The following TRIM27 variants were observed in gnomAD, a reference collection of about 807,000 sequenced individuals.
TRIM27 encodes the protein tripartite motif containing 27.
TRIM27 carries 12 observed loss-of-function variants against 57.6 expected under a neutral mutation model. The observed-to-expected ratio is 0.21, with a 90% CI of 0.13 to 0.34. TRIM27 has a LOEUF of 0.34. Ranked by LOEUF, TRIM27 falls within the 10% of genes least tolerant of loss-of-function variation. The pLI, the probability that TRIM27 is intolerant of heterozygous loss-of-function variation, is 1.00. For missense variants in TRIM27, 403 were observed against 656.8 expected (o/e 0.61, Z 4.22); for synonymous variants, 266 against 259.0 (o/e 1.03, Z -0.26).
At chr6:28,907,774 A>C (rs1772879019) in intron 6 of TRIM27, 1 of 391,006 alleles carries the variant, frequency 2.6e-6, no homozygotes, top group Non-Finnish European at 5.0e-6. Flanking sequence ...AAGAAGAGCC[A>C]GATCAAGGAA....
rs1774229712 is a variant in TRIM27 at position 28,923,564 on chromosome 6, G to A, written c.69C>T (p.Phe23=). The A allele has an allele frequency of 6.2e-7, 1 of 1,610,786 alleles. No homozygotes were observed. ...ETTCPVCLQY[F]AEPMMLDCGH... ...CGCAGTCGAGCATCATGGGCTCTGC[G>A]AAGTACTGCAGGCACACGGGGCAGG... Residue 23 remains phenylalanine, a synonymous_variant, in exon 1 of 8, where the codon TTC becomes TTT. Coordinates refer to ENST00000377199, the MANE Select transcript of TRIM27 (RefSeq NM_006510.5).
intron 6 of TRIM27, 42 bp downstream of exon 6, chr6:28,908,766 A>G (rs751968176): frequency 1.4e-5 from 23 of 1,606,436 alleles, no homozygotes; most frequent in Non-Finnish European, 1.9e-5. Flanking sequence ...TCTTTTTTCC[A>G]AGCAACTTTA....
At position 28,904,103 on chromosome 6, in the gene TRIM27, C is replaced by G. The variant is rs1453967293; in HGVS notation, c.1509G>C (p.Gly503=). 6.8e-6 allele frequency: 11 copies of G among 1,613,002 alleles called. No individual in the cohort carries two copies. Among genetic ancestry groups the G allele is most frequent in the Non-Finnish European group, 9.3e-6 (11 of 1,180,000 alleles). The change falls in exon 8 of 8, where the codon GGG becomes GGC. Residue 503 remains glycine (G), a synonymous_variant. Coordinates refer to ENST00000377199, the MANE Select transcript of TRIM27 (RefSeq NM_006510.5). This position sits in a 1 kb window ranked among gnomAD's most constrained non-coding sequence, Gnocchi z 6.1. ...SGIDGFSGHV[G]NHGHSMETSP ...AGGTCTCCATGGAATGACCATGATT[C>G]CCAACATGGCCAGAAAACCCATCTA...
chr6:28,923,326 G>A lies in TRIM27; in HGVS notation c.307C>T (p.Leu103=). The change falls in exon 1 of 8, where the codon CTG becomes TTG. Residue 103 remains leucine, a synonymous_variant. Transcript: ENST00000377199. Reference sequence around the variant, plus strand: ...TGGTCCTCCTCGCAGTACAGCTTCAGGGGCTCGCGGTGCTTCTCGCACACG... The same window carrying A: ...TGGTCCTCCTCGCAGTACAGCTTCAAGGGCTCGCGGTGCTTCTCGCACACG... ...MGVCEKHREP[L]KLYCEEDQMP... 3.1e-6 allele frequency: 5 copies of A among 1,612,152 alleles called. No homozygotes were observed. In the East Asian group the frequency reaches 8.9e-5, roughly 29 times the overall value.
At chr6:28,913,585 C>T (rs1157255522) in intron 3 of TRIM27, among the ~76,000 whole-genome samples, 1 of 152,064 alleles carries the variant, frequency 6.6e-6, no homozygotes, top group Non-Finnish European at 1.5e-5. Flanking sequence ...ATGAGTGTCT[C>T]TCCGACACTT....
At chr6:28,907,325 G>A in intron 6 of TRIM27, 63 bp from the exon 7 acceptor site, 2 of 1,536,084 alleles carry the variant, frequency 1.3e-6, no homozygotes, top group Non-Finnish European at 8.9e-7. Context: ...ACATAACTAA[G>A]GGGGCTTTGG....
Position 28,904,950 on chromosome 6 carries a change from T to C in TRIM27, c.947-285A>G, listed in dbSNP as rs1446930796. On this transcript the variant is annotated intron_variant, in intron 7 of 7. Coordinates refer to ENST00000377199, the MANE Select transcript of TRIM27 (RefSeq NM_006510.5). This position sits in a 1 kb window ranked among gnomAD's most constrained non-coding sequence, Gnocchi z 6.1. ...TTTTAAGAGATAGGGTCTTGCTCTG[T>C]TGCCTAGGCTGGAGCGCAGTGGTGT... 5 of 441,822 alleles carry C rather than the reference T, an allele frequency of 1.1e-5. No homozygotes were observed. The highest frequency in any genetic ancestry group is 3.5e-5 in the East Asian group (1 of 28,708). 27.4% of individuals were successfully genotyped at this position (441,822 alleles called of 1,614,324 possible). A position where few individuals can be genotyped will look rare whatever the true frequency, so the allele number is the denominator to read the frequency against.
chr6:28,911,461 T>C (rs893558987), intron 4 of TRIM27: 8 of 506,332 alleles, frequency 1.6e-5, no homozygotes, highest in Non-Finnish European at 2.8e-5. Flanking sequence ...CATGGAAGTG[T>C]CCTCATACCC....
At chr6:28,911,069 T>A (rs569116954) in intron 4 of TRIM27, among the ~76,000 whole-genome samples, 5 of 152,192 alleles carry the variant, frequency 3.3e-5, no homozygotes, top group Non-Finnish European at 5.9e-5. Context: ...GAAGGCATTC[T>A]TACACCAAAC....
chr6:28,919,566 T>C (rs1385666144), intron 3 of TRIM27, among the ~76,000 whole-genome samples: 1 of 152,178 alleles, frequency 6.6e-6, no homozygotes, highest in East Asian at 1.9e-4. Flanking sequence ...ACAGGACTGC[T>C]CAGGTAACCT....
In TRIM27 at chr6:28,903,710, G is replaced by A. The variant is rs186465966; in HGVS notation, c.*360C>T. Reference sequence around the variant, plus strand: ...GCAAATAGCCATAATCATTATGTGGGGCTGAACCAGAGGAAGCCAGGCTGA... The same window carrying A: ...GCAAATAGCCATAATCATTATGTGGAGCTGAACCAGAGGAAGCCAGGCTGA... On this transcript the variant is annotated 3_prime_UTR_variant, in exon 8 of 8. Transcript: ENST00000377199. 314 of 307,570 alleles carry A rather than the reference G, an allele frequency of 1.0e-3. 1 individual carries two copies. The highest frequency in any genetic ancestry group is 1.9e-3 in the Middle Eastern group (2 of 1,048). 19.1% of individuals were successfully genotyped at this position (307,570 alleles called of 1,614,324 possible).
In TRIM27 at chr6:28,920,281, G is replaced by A. The variant is rs114472201; in HGVS notation, c.517-39C>T. 13,385 of 1,527,982 alleles carry A rather than the reference G, an allele frequency of 8.8e-3. 96 individuals carry two copies. Among genetic ancestry groups the A allele is most frequent in the African/African-American group, 0.029 (2,133 of 72,448 alleles). The allele number at this position is 1,527,982 out of a possible 1,614,324, so 94.7% of individuals were successfully genotyped here. A position where few individuals can be genotyped will look rare whatever the true frequency, so the allele number is the denominator to read the frequency against. ...AGGGAAAGGCAGTAAAGAGAAAAAC[G>A]GCTCATTTCTAGGGCCTTCATAGTT... On this transcript the variant is annotated intron_variant, in intron 2 of 7. Transcript: ENST00000377199.
intron 4 of TRIM27, chr6:28,911,259 C>T (rs1452978515): frequency 6.4e-6 from 1 of 155,248 alleles, no homozygotes; most frequent in African/African-American, 2.4e-5. Flanking sequence ...AGAATAAGAG[C>T]CAGAATCCAG....
In TRIM27 at chr6:28,908,816, T is replaced by C. The variant is rs758081594; in HGVS notation, c.911A>G (p.Lys304Arg). 6.2e-7 allele frequency: 1 copy of C among 1,613,962 alleles called. No homozygotes were observed. Among genetic ancestry groups the C allele is most frequent in the Non-Finnish European group, 8.5e-7 (1 of 1,179,892 alleles). Residue 304 changes from lysine (K) to arginine (R), a missense_variant, in exon 6 of 8, where the codon AAA becomes AGA. Physicochemically the swap from Lys to Arg is conservative, Grantham distance 26. Coordinates refer to ENST00000377199, the MANE Select transcript of TRIM27 (RefSeq NM_006510.5). The part of the protein sequence containing the change: ...FTEKMQSDME[K>R]IQELREAQLY... The stretch of plus-strand genomic sequence containing the variant: ...TAGGTAGATAAATTTACCTTGGATT[T>C]TCTCCATATCTGACTGCATTTTTTC...
At chr6:28,907,690 C>A (rs1392755113) in intron 6 of TRIM27, 12 of 443,478 alleles carry the variant, frequency 2.7e-5, no homozygotes, top group Admixed American at 1.2e-4. Flanking sequence ...CATGACCATT[C>A]ATTTATAAGG....
At position 28,921,851 on chromosome 6, in the gene TRIM27, G is replaced by T. The variant is rs750744522; in HGVS notation, c.516+41C>A. 5.4e-6 allele frequency: 8 copies of T among 1,488,138 alleles called. No individual in the cohort carries two copies. In the Middle Eastern group the frequency reaches 1.1e-3, roughly 212 times the overall value. 92.2% of individuals were successfully genotyped at this position (1,488,138 alleles called of 1,614,324 possible). A position where few individuals can be genotyped will look rare whatever the true frequency, so the allele number is the denominator to read the frequency against. On this transcript the variant is annotated intron_variant, in intron 2 of 7. Transcript: ENST00000377199. ...GTAACATCAGCTCTACAGAAGAGGA[G>T]AGCACCAGCAGAACCAACTGTGAAT...
intron 3 of TRIM27, among the ~76,000 whole-genome samples, chr6:28,919,009 T>C (rs1343197342): frequency 2.0e-5 from 3 of 152,042 alleles, no homozygotes; most frequent in African/African-American, 7.2e-5. Context: ...TATTTTTATT[T>C]TTTATTATTT....
At chr6:28,913,853 G>C (rs1171465490) in intron 3 of TRIM27, among the ~76,000 whole-genome samples, 1 of 151,640 alleles carries the variant, frequency 6.6e-6, no homozygotes, top group Non-Finnish European at 1.5e-5. Context: ...TGTGATATTT[G>C]TGGCAAATAT....
intron 3 of TRIM27, among the ~76,000 whole-genome samples, chr6:28,918,152 G>T (rs1365236974): frequency 6.6e-6 from 1 of 152,034 alleles, no homozygotes; most frequent in African/African-American, 2.4e-5. Context: ...TGGCTTCAGT[G>T]TTCTCCCTCA....
Sources: allele counts gnomAD v4.1 joint callset (sites outside exome capture counted in the v4.1 genomes callset), GRCh38; gene constraint gnomAD v4.1.1; non-coding constraint Gnocchi (gnomAD v3.1); transcripts MANE v1.5; gene names NCBI Gene and HGNC (gene_info 2026-07-23, HGNC 2026-07-21).